The following CMIP variants were observed in gnomAD, a reference collection of about 807,000 sequenced individuals.
CMIP encodes C-Maf-inducing protein.
A neutral mutation model predicts 97.3 loss-of-function variants in CMIP; 13 were observed. That is an observed-to-expected ratio of 0.13 (90% CI 0.09 to 0.21). The LOEUF is 0.21. Ranked by LOEUF, CMIP falls within the 10% of genes least tolerant of loss-of-function variation. CMIP has a pLI of 1.00. For synonymous variants in CMIP, 538 were observed against 436.3 expected, an observed-to-expected ratio of 1.23 and a Z score of -2.91; for missense variants, 847 against 1,024.9, an observed-to-expected ratio of 0.83 and a Z score of 2.37.
intron 1 of CMIP, among the ~76,000 whole-genome samples, chr16:81,504,274 T>C (rs939343555): frequency 2.0e-5 from 3 of 149,162 alleles, no homozygotes; most frequent in Admixed American, 6.7e-5. Flanking sequence ...TGCAGTGGGC[T>C]GAGATCATGC....
intron 1 of CMIP, among the ~76,000 whole-genome samples, chr16:81,594,683 G>A (rs939601215): frequency 1.4e-4 from 22 of 151,766 alleles, no homozygotes; most frequent in African/African-American, 5.1e-4. Flanking sequence ...ATGCGATCTC[G>A]GCTCACTGCA....
rs1567548332 is a variant in CMIP at position 81,504,688 on chromosome 16, CGGTG to C, written c.300+59150_300+59153del. 1.8e-4 allele frequency among the ~76,000 whole-genome samples: 27 copies of C among 148,940 alleles called. No homozygotes were observed. The East Asian group carries it at 5.3e-3, about 29-fold the overall frequency. On this transcript the variant is annotated intron_variant, in intron 1 of 20. Coordinates refer to ENST00000537098, the MANE Select transcript of CMIP (RefSeq NM_198390.3). ...AAAAGAAAAGAAAAGAAAAAATGGC[CGGTG>C]GGCCTGCAGCCCACCTGTGCTGTGT... is the stretch of plus-strand genomic sequence containing the variant.
In CMIP at chr16:81,621,767, A is replaced by G. The variant is rs543979104; in HGVS notation, c.477+841A>G. 1 of 152,792 alleles carries G rather than the reference A, an allele frequency of 6.5e-6. No homozygotes were observed. The highest frequency in any genetic ancestry group is 2.1e-4 in the South Asian group (1 of 4,830). 9.5% of individuals were successfully genotyped at this position (152,792 alleles called of 1,614,324 possible). On this transcript the variant is annotated intron_variant, in intron 3 of 20. Coordinates refer to ENST00000537098, the MANE Select transcript of CMIP (RefSeq NM_198390.3). This position sits in a 1 kb window ranked among gnomAD's most constrained non-coding sequence, Gnocchi z 4.1. Reference sequence around the variant, plus strand: ...CTGGCCCCATGCAGAGCTGGGTGCCATGTCACGTGTTGGGAGGACCCAGGG... The same window carrying G: ...CTGGCCCCATGCAGAGCTGGGTGCCGTGTCACGTGTTGGGAGGACCCAGGG...
chr16:81,511,793 C>G (rs527479242), intron 1 of CMIP, among the ~76,000 whole-genome samples: 1 of 152,136 alleles, frequency 6.6e-6, no homozygotes, highest in Non-Finnish European at 1.5e-5. Flanking sequence ...AACTCCTGGG[C>G]TCAAGTGATC....
chr16:81,652,457 CGT>C lies in CMIP; in HGVS notation c.639+97_639+98del. On this transcript the variant is annotated intron_variant, in intron 4 of 20. Coordinates refer to ENST00000537098, the MANE Select transcript of CMIP (RefSeq NM_198390.3). This position sits in a 1 kb window ranked among gnomAD's most constrained non-coding sequence, Gnocchi z 5.2. ...CAAGCAGCAGGCGCAGGCAGAGCTC[CGT>C]GTGGGCTGTGTTGTTGCCCTGCTGC... 1 of 1,142,132 alleles carries C rather than the reference CGT, an allele frequency of 8.8e-7. No individual in the cohort carries two copies. Among genetic ancestry groups the C allele is most frequent in the Non-Finnish European group, 1.3e-6 (1 of 789,482 alleles). 70.7% of individuals were successfully genotyped at this position (1,142,132 alleles called of 1,614,324 possible). A position where few individuals can be genotyped will look rare whatever the true frequency, so the allele number is the denominator to read the frequency against.
intron 4 of CMIP, among the ~76,000 whole-genome samples, chr16:81,654,059 G>T (rs1411034616): frequency 1.3e-5 from 2 of 152,126 alleles, no homozygotes; most frequent in Non-Finnish European, 2.9e-5. Flanking sequence ...GACCAACTTG[G>T]CCACCACTTC....
intron 3 of CMIP, among the ~76,000 whole-genome samples, chr16:81,643,687 AAGGCTGAGGCAGGAGAATCAC>A (rs2092332058): frequency 6.6e-6 from 1 of 152,108 alleles, no homozygotes; most frequent in African/African-American, 2.4e-5. Context: ...AGCTGCTGGG[AAGGCTGAGGCAGGAGAATCAC>A]TTGAACCCAG....
chr16:81,660,991 C>T (rs1465650031), intron 6 of CMIP, 45 bp downstream of exon 6: 4 of 1,611,426 alleles, frequency 2.5e-6, no homozygotes, highest in Admixed American at 3.3e-5. Context: ...GAAGTAACCT[C>T]CCTCTGTGCG....
chr16:81,649,153 G>C (rs867358034), intron 3 of CMIP, among the ~76,000 whole-genome samples: 21 of 152,252 alleles, frequency 1.4e-4, no homozygotes, highest in African/African-American at 5.1e-4. Flanking sequence ...ATAAGAGCTA[G>C]CACTGTGCTG....
At chr16:81,498,043 T>C (rs2150773923) in intron 1 of CMIP, among the ~76,000 whole-genome samples, 1 of 152,364 alleles carries the variant, frequency 6.6e-6, no homozygotes, top group South Asian at 2.1e-4. Flanking sequence ...CATTCATGCA[T>C]GCATGTGTTG....
intron 1 of CMIP, among the ~76,000 whole-genome samples, chr16:81,516,625 C>T (rs532047009): frequency 1.3e-5 from 2 of 152,204 alleles, no homozygotes; most frequent in Non-Finnish European, 2.9e-5. Context: ...AGTGCGCGGG[C>T]ACTTGTGCGT....
At chr16:81,479,989 T>C (rs1449411593) in intron 1 of CMIP, among the ~76,000 whole-genome samples, 2 of 152,190 alleles carry the variant, frequency 1.3e-5, no homozygotes, top group East Asian at 3.8e-4. Flanking sequence ...TTCTCAGCCC[T>C]GGCCGCACAA....
At chr16:81,517,886 A>C (rs933245378) in intron 1 of CMIP, 1 of 975,606 alleles carries the variant, frequency 1.0e-6, no homozygotes, top group East Asian at 1.1e-4. Context: ...CAGTGGCTGC[A>C]GACATCTCTT....
At chr16:81,534,664 A>G (rs1366145733) in intron 1 of CMIP, among the ~76,000 whole-genome samples, 1 of 152,166 alleles carries the variant, frequency 6.6e-6, no homozygotes, top group Non-Finnish European at 1.5e-5. Flanking sequence ...ACAAAACTAT[A>G]GAACTGTAAA....
chr16:81,501,697 T>G (rs2089616282), intron 1 of CMIP, among the ~76,000 whole-genome samples: 1 of 151,590 alleles, frequency 6.6e-6, no homozygotes, highest in African/African-American at 2.4e-5. Context: ...CTGCAACTTC[T>G]GCTTCCCAGG....
At chr16:81,610,836 C>CT (rs1339403472) in intron 2 of CMIP, among the ~76,000 whole-genome samples, 2 of 152,140 alleles carry the variant, frequency 1.3e-5, no homozygotes, top group Non-Finnish European at 1.5e-5. Flanking sequence ...GCAGGACCCT[C>CT]TGCTTTGAGA....
At chr16:81,572,227 A>T (rs1051524845) in intron 1 of CMIP, among the ~76,000 whole-genome samples, 1 of 152,220 alleles carries the variant, frequency 6.6e-6, no homozygotes, top group Admixed American at 6.5e-5. Context: ...CAACTGCCTC[A>T]GACTCCATTT....
chr16:81,629,920 T>TA (rs1215291956), intron 3 of CMIP, among the ~76,000 whole-genome samples: 1 of 152,218 alleles, frequency 6.6e-6, no homozygotes, highest in Non-Finnish European at 1.5e-5. Context: ...TTATTTGAGT[T>TA]ACTTGTTTAG....
chr16:81,458,699 G>A (rs540432216), intron 1 of CMIP, among the ~76,000 whole-genome samples: 1 of 152,234 alleles, frequency 6.6e-6, no homozygotes, highest in South Asian at 2.1e-4. Flanking sequence ...GACAGTGATC[G>A]GGCAGGTTGA....
Sources: gnomAD v4.1 joint callset for allele counts (sites outside exome capture counted in the v4.1 genomes callset) on GRCh38, gnomAD v4.1.1 for gene constraint, Gnocchi (gnomAD v3.1) non-coding constraint, MANE v1.5 for transcripts, NCBI Gene and HGNC (gene_info 2026-07-23, HGNC 2026-07-21) for gene names.